TMEM245: variants seen among roughly 807,000 people sequenced by gnomAD.
TMEM245 encodes the protein transmembrane protein 245, also known as protein CG-2.
Under a neutral mutation model 101.2 loss-of-function variants are expected in TMEM245, and 69 were observed. The observed-to-expected ratio is 0.68, with a 90% confidence interval of 0.56 to 0.83. The LOEUF (loss-of-function observed/expected upper bound fraction) is 0.83, where lower values mean the gene tolerates loss of function less well. Among genes scored for constraint, TMEM245 ranks in the 40% least tolerant of loss-of-function variants. The pLI is 0.00. For synonymous variants in TMEM245, 537 were observed against 449.8 expected (o/e 1.19, Z -2.45); for missense variants, 1,075 against 1,092.8 (o/e 0.98, Z 0.23).
At position 109,086,013 on chromosome 9, in the gene TMEM245, T is replaced by C; in HGVS notation, c.1328A>G (p.His443Arg). ...FLLKVDSKLW[H>R]WLNKKMIIWL... ...TTCATTTACCTTCTTATTTAGCCAG[T>C]GCCAGAGCTTGAGGATAGGGGGTAA... Residue 443 changes from histidine (H) to arginine (R), a missense_variant, in exon 7 of 18, where the codon CAC (histidine) becomes CGC (arginine). His to Arg is a conservative substitution (Grantham distance 29). Coordinates refer to ENST00000374586, the MANE Select transcript of TMEM245 (RefSeq NM_032012.4). 1 of 1,613,862 alleles carries C rather than the reference T, an allele frequency of 6.2e-7. No individual in the cohort carries two copies. The highest frequency in any genetic ancestry group is 8.5e-7 in the Non-Finnish European group (1 of 1,179,958).
intron 17 of TMEM245, among the ~76,000 whole-genome samples, chr9:109,022,097 C>T (rs776158120): frequency 5.3e-5 from 8 of 152,162 alleles, no homozygotes; most frequent in Middle Eastern, 6.3e-3. Flanking sequence ...CAATTAAAGA[C>T]TAACCTTGCA....
At position 109,018,180 on chromosome 9, in the gene TMEM245, A is replaced by G. The variant is rs561037237; in HGVS notation, c.*2280T>C. On this transcript the variant is annotated 3_prime_UTR_variant, in exon 18 of 18. Transcript: ENST00000374586. ...TAAAATCACTTTGTATATGTATAGT[A>G]ACTCATTGTATATATTTGTCTCTTA... 6.6e-6 allele frequency: 1 copy of G among 152,364 alleles called. No individual in the cohort carries two copies. Among genetic ancestry groups the G allele is most frequent in the Non-Finnish European group, 1.5e-5 (1 of 68,038 alleles). The allele number at this position is 152,364 out of a possible 1,614,324, so 9.4% of individuals were successfully genotyped here.
Position 109,015,330 on chromosome 9 carries a change from C to T in TMEM245, c.*5130G>A, listed in dbSNP as rs1827401723. The stretch of plus-strand genomic sequence containing the variant: ...TGAATTGCCTCCTTCACCTGAGAAC[C>T]CAGGGATGATACATTTTCAAAGAGT... On this transcript the variant is annotated 3_prime_UTR_variant, in exon 18 of 18. Coordinates refer to ENST00000374586, the MANE Select transcript of TMEM245 (RefSeq NM_032012.4). 1 of 152,034 alleles carries T rather than the reference C, an allele frequency of 6.6e-6. No homozygotes were observed. The highest frequency in any genetic ancestry group is 2.4e-5 in the African/African-American group (1 of 41,386). 9.4% of individuals were successfully genotyped at this position (152,034 alleles called of 1,614,324 possible).
chr9:109,033,257 G>A, intron 17 of TMEM245, 50 bp downstream of exon 17: 1 of 1,512,494 alleles, frequency 6.6e-7, no homozygotes, highest in Non-Finnish European at 8.9e-7. Flanking sequence ...TACAGAGACA[G>A]GACAGTTCAA....
Position 109,060,300 on chromosome 9 carries a change from C to A in TMEM245, c.1722+54G>T. On this transcript the variant is annotated intron_variant, in intron 11 of 17. Coordinates refer to ENST00000374586, the MANE Select transcript of TMEM245 (RefSeq NM_032012.4). ...ATATAATCCTATCTAGTTGATGAGT[C>A]AATAAAAGGACTTTATTAGTTTACA... The A allele has an allele frequency of 2.4e-6, 3 of 1,270,746 alleles. No homozygotes were observed. The South Asian group carries it at 3.9e-5, about 17-fold the overall frequency. The allele number at this position is 1,270,746 out of a possible 1,614,324, so 78.7% of individuals were successfully genotyped here.
intron 14 of TMEM245, among the ~76,000 whole-genome samples, chr9:109,042,677 T>A (rs1004851056): frequency 6.6e-6 from 1 of 152,072 alleles, no homozygotes; most frequent in African/African-American, 2.4e-5. Flanking sequence ...GAAGCTCATA[T>A]AACATAAATT....
intron 5 of TMEM245, among the ~76,000 whole-genome samples, chr9:109,088,108 G>T (rs1374089979): frequency 6.6e-6 from 1 of 152,218 alleles, no homozygotes. Flanking sequence ...TCAACTGTGA[G>T]GCTTGCCTTC....
intron 4 of TMEM245, among the ~76,000 whole-genome samples, chr9:109,092,393 G>A (rs575921830): frequency 1.1e-4 from 16 of 152,274 alleles, no homozygotes; most frequent in Non-Finnish European, 1.6e-4. Flanking sequence ...TTGCACCCTG[G>A]TAAGTCAGCT....
intron 4 of TMEM245, among the ~76,000 whole-genome samples, chr9:109,092,327 A>T (rs200755341): frequency 2.8e-3 from 1 of 362 alleles, no homozygotes; most frequent in Non-Finnish European, 4.0e-3. Context: ...TAATTTCCTT[A>T]AGTGTTTTTA....
chr9:109,090,681 G>A (rs1217041427), intron 5 of TMEM245, among the ~76,000 whole-genome samples: 2 of 149,054 alleles, frequency 1.3e-5, no homozygotes, highest in African/African-American at 4.9e-5. Context: ...CTGAGATGGT[G>A]CCACTGCACT....
chr9:109,016,422 G>A lies in TMEM245; in HGVS notation c.*4038C>T, dbSNP rs1827440531. On this transcript the variant is annotated 3_prime_UTR_variant, in exon 18 of 18. Transcript: ENST00000374586. ...AGAGAAGTAGAACAACGGACTGACA[G>A]AAAAAAAAGAACTCTATTCTATTCT... 1 of 151,616 alleles carries A rather than the reference G, an allele frequency of 6.6e-6. No individual in the cohort carries two copies. Among genetic ancestry groups the A allele is most frequent in the Non-Finnish European group, 1.5e-5 (1 of 67,866 alleles). The allele number at this position is 151,616 out of a possible 1,614,324, so 9.4% of individuals were successfully genotyped here.
At chr9:109,037,897 G>A (rs558481839) in intron 15 of TMEM245, 120 bp downstream of exon 15, 10 of 676,746 alleles carry the variant, frequency 1.5e-5, no homozygotes, top group East Asian at 2.7e-5. Context: ...GACTAGATTC[G>A]ATCTCAAGCC....
At chr9:109,047,312 G>A (rs149545291) in intron 14 of TMEM245, among the ~76,000 whole-genome samples, 2,332 of 152,310 alleles carry the variant, frequency 0.015, 27 homozygotes, top group Non-Finnish European at 0.024. Context: ...AAGGGAAGTC[G>A]AATCTAATTT....
chr9:109,085,975 C>A (rs775667360), intron 7 of TMEM245, 22 bp downstream of exon 7: 44 of 1,613,308 alleles, frequency 2.7e-5, no homozygotes, highest in Admixed American at 2.0e-4. Flanking sequence ...TAGTAAAAAC[C>A]AACATCTGGG....
At chr9:109,102,221 G>A (rs1830299233) in intron 3 of TMEM245, among the ~76,000 whole-genome samples, 1 of 152,044 alleles carries the variant, frequency 6.6e-6, no homozygotes, top group Non-Finnish European at 1.5e-5. Context: ...AGGAAGACAG[G>A]CTGAACAAAG....
In TMEM245 at chr9:109,015,715, C is replaced by T. The variant is rs1827420712; in HGVS notation, c.*4745G>A. The T allele has an allele frequency of 6.6e-6, 1 of 152,560 alleles. No individual in the cohort carries two copies. The highest frequency in any genetic ancestry group is 6.5e-5 in the Admixed American group (1 of 15,272). The allele number at this position is 152,560 out of a possible 1,614,324, so 9.5% of individuals were successfully genotyped here. On this transcript the variant is annotated 3_prime_UTR_variant, in exon 18 of 18. Coordinates refer to ENST00000374586, the MANE Select transcript of TMEM245 (RefSeq NM_032012.4). ...AAACTTAGGGGAATATCACCAAAAA[C>T]TTTTCAGAGCCTCCAGAGCCCCCCC...
chr9:109,081,283 C>G (rs995091940), intron 7 of TMEM245, among the ~76,000 whole-genome samples: 1 of 152,080 alleles, frequency 6.6e-6, no homozygotes, highest in Admixed American at 6.6e-5. Flanking sequence ...AATCCATTAG[C>G]TGACCTAAAA....
In TMEM245 at chr9:109,119,726, A is replaced by G; in HGVS notation, c.188T>C (p.Val63Ala). Residue 63 changes from valine to alanine, a missense_variant, in exon 1 of 18, where the codon GTG becomes GCG. Around this residue, in one of 2 missense-constraint regions of TMEM245, gnomAD observed 808 missense variants for 741.5 expected, o/e 1.09. Transcript: ENST00000374586. The stretch of plus-strand genomic sequence containing the variant: ...CACCGCGGCGCCGCAGCACAGGCAC[A>G]CGAACAGCACGGCCCCGGTGTTGTA... ...AFYNTGAVLF[V>A]CLCCGAAVLV... 6.5e-7 allele frequency: 1 copy of G among 1,544,632 alleles called. No homozygotes were observed. Among genetic ancestry groups the G allele is most frequent in the Non-Finnish European group, 8.7e-7 (1 of 1,150,480 alleles).
chr9:109,060,396 T>C lies in TMEM245; in HGVS notation c.1680A>G (p.Val560=), dbSNP rs1351287295. The change falls in exon 11 of 18, where the codon GTA becomes GTG. Residue 560 remains valine (V), a synonymous_variant. Coordinates refer to ENST00000374586, the MANE Select transcript of TMEM245 (RefSeq NM_032012.4). Reference sequence around the variant, plus strand: ...GATACAGTCTGTCCCAAAGTTCTAGTACTTGCTTTTCAATTACAGCAGTAT... The same window carrying C: ...GATACAGTCTGTCCCAAAGTTCTAGCACTTGCTTTTCAATTACAGCAGTAT... ...VNNTAVIEKQ[V]LELWDRLYHS... 4 of 1,613,758 alleles carry C rather than the reference T, an allele frequency of 2.5e-6. No homozygotes were observed. The highest frequency in any genetic ancestry group is 1.3e-5 in the African/African-American group (1 of 74,946).
Sources: allele counts gnomAD v4.1 joint callset (sites outside exome capture counted in the v4.1 genomes callset), GRCh38; gene constraint gnomAD v4.1.1; regional missense constraint gnomAD v4.1.1; transcripts MANE v1.5; gene names NCBI Gene and HGNC (gene_info 2026-07-23, HGNC 2026-07-21).